The following ASXL2 variants were observed in gnomAD, a reference collection of about 807,000 sequenced individuals.
ASXL2 encodes putative Polycomb group protein ASXL2.
Under a neutral mutation model 122.0 loss-of-function variants are expected in ASXL2, and 23 were observed. The observed-to-expected ratio is 0.19, with a 90% CI of 0.14 to 0.27. The LOEUF (loss-of-function observed/expected upper bound fraction) is 0.27, where lower values mean the gene tolerates loss of function less well. Ranked by LOEUF, ASXL2 falls within the 10% of genes least tolerant of loss-of-function variation. ASXL2 has a pLI of 1.00. For synonymous variants in ASXL2, 650 were observed against 637.0 expected (o/e 1.02, Z -0.31); for missense variants, 1,518 against 1,713.8 (o/e 0.89, Z 2.02).
intron 1 of ASXL2, among the ~76,000 whole-genome samples, chr2:25,853,635 G>GT (rs1031189336): frequency 3.3e-5 from 5 of 152,052 alleles, no homozygotes; most frequent in Non-Finnish European, 5.9e-5. Flanking sequence ...ACAGTGCACC[G>GT]TTTTTTTGTT....
At chr2:25,857,935 C>T (rs779129671) in intron 1 of ASXL2, among the ~76,000 whole-genome samples, 2 of 152,078 alleles carry the variant, frequency 1.3e-5, no homozygotes, top group South Asian at 2.1e-4. Flanking sequence ...TGCAGTGGCG[C>T]GGTCTCAACT....
intron 5 of ASXL2, among the ~76,000 whole-genome samples, chr2:25,776,554 G>A (rs2088549589): frequency 6.6e-6 from 1 of 152,084 alleles, no homozygotes; most frequent in South Asian, 2.1e-4. Flanking sequence ...GTAACTCTAT[G>A]TTTAACTTGA....
At chr2:25,754,075 C>A (rs1244546071) in intron 10 of ASXL2, among the ~76,000 whole-genome samples, 1 of 152,104 alleles carries the variant, frequency 6.6e-6, no homozygotes, top group African/African-American at 2.4e-5. Context: ...AGGCTTTTTA[C>A]CTCTAACTGC....
intron 2 of ASXL2, among the ~76,000 whole-genome samples, chr2:25,843,297 G>T (rs1423608905): frequency 8.6e-6 from 1 of 116,338 alleles, no homozygotes; most frequent in Non-Finnish European, 1.8e-5. Flanking sequence ...GAGAGACTTC[G>T]TCTCAAAAAA....
At chr2:25,867,020 C>T (rs887714918) in intron 1 of ASXL2, among the ~76,000 whole-genome samples, 3 of 152,154 alleles carry the variant, frequency 2.0e-5, no homozygotes, top group African/African-American at 7.2e-5. Context: ...CCTGCCTCAG[C>T]CTCCCAAGTA....
intron 8 of ASXL2, among the ~76,000 whole-genome samples, chr2:25,764,992 A>G (rs1479065695): frequency 6.6e-6 from 1 of 152,114 alleles, no homozygotes; most frequent in African/African-American, 2.4e-5. Flanking sequence ...ATTTAGGTTG[A>G]CTTAATCTAT....
chr2:25,848,397 T>C (rs563535637), intron 1 of ASXL2, among the ~76,000 whole-genome samples: 2 of 151,102 alleles, frequency 1.3e-5, no homozygotes, highest in East Asian at 2.0e-4. Context: ...CCGAGATAGG[T>C]GGATCACAAG....
intron 1 of ASXL2, among the ~76,000 whole-genome samples, chr2:25,847,813 T>A (rs2089666491): frequency 6.6e-6 from 1 of 152,138 alleles, no homozygotes; most frequent in Admixed American, 6.5e-5. Flanking sequence ...ATACAAGAAG[T>A]TGCAGGTTTA....
rs563872551 is a variant in ASXL2, at chr2:25,802,636, C to T, written c.253-3101G>A. On this transcript the variant is annotated intron_variant, in intron 4 of 12. Transcript: ENST00000435504. ...ATCTTTTCTTCCTCTTGGTGAGCTA[C>T]TGCATAGTCTCAGGATGGGGGTTAG... 9.2e-5 allele frequency among the ~76,000 whole-genome samples: 14 copies of T among 152,264 alleles called. No individual in the cohort carries two copies. The Middle Eastern group carries it at 0.02, about 222-fold the overall frequency.
chr2:25,876,205 CTCTACTGA>C, intron 1 of ASXL2, among the ~76,000 whole-genome samples: 2 of 152,290 alleles, frequency 1.3e-5, no homozygotes, highest in East Asian at 3.9e-4. Context: ...CCCTCAGGAA[CTCTACTGA>C]TCAAAGTAGT....
chr2:25,799,436 T>G lies in ASXL2; in HGVS notation c.352A>C (p.Ser118Arg), dbSNP rs539079430. ...CCCTCCTTGTTGCTGCCACCATCACTGCTGCTGCTGCTGTTCTCAGAACTC... is the reference window on the plus strand; with the variant it reads ...CCCTCCTTGTTGCTGCCACCATCACGGCTGCTGCTGCTGTTCTCAGAACTC... The part of the protein sequence containing the change: ...SQSSENSSSS[S>R]DGGSNKEGKK... Residue 118 changes from serine to arginine, a missense_variant, in exon 5 of 13, where the codon AGT becomes CGT. Ser to Arg is a moderately radical substitution (Grantham distance 110, BLOSUM62 -1). Around this residue, in one of 8 missense-constraint regions of ASXL2, gnomAD observed 198 missense variants for 209.0 expected, o/e 0.95. Coordinates refer to ENST00000435504, the MANE Select transcript of ASXL2 (RefSeq NM_018263.6). 6.3e-7 allele frequency: 1 copy of G among 1,585,384 alleles called. No homozygotes were observed. The highest frequency in any genetic ancestry group is 8.6e-7 in the Non-Finnish European group (1 of 1,158,834).
intron 3 of ASXL2, among the ~76,000 whole-genome samples, chr2:25,821,651 T>A (rs567147270): frequency 6.6e-6 from 1 of 152,262 alleles, no homozygotes; most frequent in African/African-American, 2.4e-5. Flanking sequence ...ACGTATATAT[T>A]CTCCCAGGGT....
chr2:25,771,641 CCAAA>C (rs2088458184), intron 5 of ASXL2, 101 bp from the exon 6 acceptor site: 2 of 917,794 alleles, frequency 2.2e-6, no homozygotes, highest in African/African-American at 1.7e-5. Context: ...AGAACTATGA[CCAAA>C]CACTTTTGGG....
At chr2:25,874,592 A>T (rs1488192132) in intron 1 of ASXL2, among the ~76,000 whole-genome samples, 1 of 151,924 alleles carries the variant, frequency 6.6e-6, no homozygotes, top group Admixed American at 6.6e-5. Flanking sequence ...TGGAAGTTGC[A>T]GTGAGCCACG....
chr2:25,835,108 A>G (rs2089494063), intron 3 of ASXL2, among the ~76,000 whole-genome samples: 1 of 152,120 alleles, frequency 6.6e-6, no homozygotes, highest in Non-Finnish European at 1.5e-5. Context: ...ACCAGGTGTG[A>G]GCCACCATGC....
intron 5 of ASXL2, among the ~76,000 whole-genome samples, chr2:25,772,167 A>C (rs976720073): frequency 6.6e-6 from 1 of 152,210 alleles, no homozygotes; most frequent in Non-Finnish European, 1.5e-5. Flanking sequence ...TATGCGAACA[A>C]GGGTTCTTTA....
intron 1 of ASXL2, among the ~76,000 whole-genome samples, chr2:25,869,740 T>C (rs1002744993): frequency 6.6e-6 from 1 of 151,166 alleles, no homozygotes; most frequent in Non-Finnish European, 1.5e-5. Flanking sequence ...CGCTTGAACC[T>C]GGGAGCTGGA....
chr2:25,850,246 T>C (rs1357676676), intron 1 of ASXL2, among the ~76,000 whole-genome samples: 2 of 152,164 alleles, frequency 1.3e-5, no homozygotes, highest in Admixed American at 1.3e-4. Flanking sequence ...ATTTAGTCAA[T>C]GTCCCAAATT....
intron 5 of ASXL2, among the ~76,000 whole-genome samples, chr2:25,781,772 G>A (rs1271680141): frequency 2.0e-5 from 3 of 150,552 alleles, no homozygotes; most frequent in Admixed American, 6.6e-5. Flanking sequence ...GGGTTCAAGC[G>A]ATTCTTCTGC....
Sources: allele counts gnomAD v4.1 joint callset (sites outside exome capture counted in the v4.1 genomes callset), GRCh38; gene constraint gnomAD v4.1.1; regional missense constraint gnomAD v4.1.1; transcripts MANE v1.5; gene names NCBI Gene and HGNC (gene_info 2026-07-23, HGNC 2026-07-21).